The following AUTS2 variants were observed in gnomAD, a reference collection of about 807,000 sequenced individuals.
AUTS2 encodes autism susceptibility gene 2 protein.
AUTS2 carries 17 observed loss-of-function variants against 112.4 expected under a neutral mutation model. That is an observed-to-expected ratio of 0.15 (90% confidence interval 0.10 to 0.23). The LOEUF is 0.23. Ranked by LOEUF, AUTS2 falls within the 10% of genes least tolerant of loss-of-function variation. The probability of loss-of-function intolerance (pLI) is 1.00; values close to 1 mark genes in which losing one functional copy is unlikely to be tolerated. For synonymous variants in AUTS2, 751 were observed against 702.7 expected, an observed-to-expected ratio of 1.07 and a Z score of -1.09; for missense variants, 1,510 against 1,701.6, an observed-to-expected ratio of 0.89 and a Z score of 1.98.
chr7:70,393,754 C>A (rs12537762), intron 4 of AUTS2, among the ~76,000 whole-genome samples: 4 of 152,186 alleles, frequency 2.6e-5, no homozygotes, highest in African/African-American at 4.8e-5. Context: ...CCCACCACCC[C>A]CCTTTCAACC....
At chr7:70,196,788 T>G (rs1194534682) in intron 4 of AUTS2, among the ~76,000 whole-genome samples, 1 of 152,206 alleles carries the variant, frequency 6.6e-6, no homozygotes, top group Non-Finnish European at 1.5e-5. Context: ...GGACACTGGT[T>G]GAGGGTAGGC....
At chr7:70,492,773 G>A (rs1262120664) in intron 5 of AUTS2, among the ~76,000 whole-genome samples, 2 of 152,154 alleles carry the variant, frequency 1.3e-5, no homozygotes, top group Non-Finnish European at 2.9e-5. Context: ...CCTTGGCTTG[G>A]AGCAAGATGG....
chr7:70,764,885 C>A lies in AUTS2; in HGVS notation c.1348C>A (p.Pro450Thr). The change falls in exon 8 of 19, where the codon CCC becomes ACC. Residue 450 changes from proline to threonine, a missense_variant. Physicochemically the swap from Pro to Thr is conservative, Grantham distance 38 (BLOSUM62 -1). Around this residue, in one of 3 missense-constraint regions of AUTS2, gnomAD observed 535 missense variants for 594.3 expected, o/e 0.90. Coordinates refer to ENST00000342771, the MANE Select transcript of AUTS2 (RefSeq NM_015570.4). ...GCACAGCTTCACACCCACCCTCCAG[C>A]CCCCCGCACACTCACATCACCCCAA... Reference protein sequence around the residue: ...PLHSFTPTLQPPAHSHHPNMF... With the variant: ...PLHSFTPTLQTPAHSHHPNMF... The A allele has an allele frequency of 6.2e-7, 1 of 1,601,588 alleles. No homozygotes were observed. Among genetic ancestry groups the A allele is most frequent in the Non-Finnish European group, 8.5e-7 (1 of 1,174,376 alleles).
chr7:70,753,797 T>C (rs1418565708), intron 6 of AUTS2, among the ~76,000 whole-genome samples: 1 of 152,208 alleles, frequency 6.6e-6, no homozygotes. Context: ...GTATATACAA[T>C]GTGCAGTCTT....
chr7:70,193,259 GC>G lies in AUTS2; in HGVS notation c.660+58689del, dbSNP rs202180807. ...TGGTAGTGGCATTATCTAAACGTAT[GC>G]ATTTGTACCTTATCAGGCTTAATGA... On this transcript the variant is annotated intron_variant, in intron 4 of 18. Transcript: ENST00000342771. 1.8e-3 allele frequency among the ~76,000 whole-genome samples: 268 copies of G among 152,260 alleles called. 3 individuals carry two copies. The highest frequency in any genetic ancestry group is 0.017 in the Admixed American group (254 of 15,282).
chr7:69,777,110 A>G (rs1788931257), intron 1 of AUTS2, among the ~76,000 whole-genome samples: 1 of 152,196 alleles, frequency 6.6e-6, no homozygotes, highest in Admixed American at 6.5e-5. Context: ...TCTCAAGGGA[A>G]CTTTAGAAGT....
intron 4 of AUTS2, among the ~76,000 whole-genome samples, chr7:70,362,839 G>A (rs1478201514): frequency 6.6e-6 from 1 of 152,154 alleles, no homozygotes; most frequent in African/African-American, 2.4e-5. Context: ...GTTGTGCAAG[G>A]CATGAACACC....
chr7:70,315,708 A>G (rs905603447), intron 4 of AUTS2, among the ~76,000 whole-genome samples: 1 of 152,166 alleles, frequency 6.6e-6, no homozygotes, highest in Non-Finnish European at 1.5e-5. Context: ...ACAGATGTCC[A>G]TTTGACCTCC....
intron 5 of AUTS2, among the ~76,000 whole-genome samples, chr7:70,557,939 A>T (rs530620299): frequency 6.6e-6 from 1 of 152,338 alleles, no homozygotes; most frequent in South Asian, 2.1e-4. Flanking sequence ...AAGAACACTC[A>T]GAGTAAAGCT....
intron 4 of AUTS2, among the ~76,000 whole-genome samples, chr7:70,328,916 C>T (rs574767591): frequency 6.6e-4 from 100 of 152,216 alleles, no homozygotes; most frequent in South Asian, 2.5e-3. Context: ...AGAGTAAAAC[C>T]CCTTACCCAT....
chr7:69,801,743 C>T (rs1790093712), intron 1 of AUTS2, among the ~76,000 whole-genome samples: 1 of 151,962 alleles, frequency 6.6e-6, no homozygotes, highest in Admixed American at 6.6e-5. Context: ...GCTCAAGACA[C>T]AACAGTGAAC....
chr7:70,057,322 A>G (rs1468322826), intron 2 of AUTS2, among the ~76,000 whole-genome samples: 1 of 152,234 alleles, frequency 6.6e-6, no homozygotes, highest in Non-Finnish European at 1.5e-5. Context: ...AACTTTAAAC[A>G]TGGAGGAAGC....
intron 2 of AUTS2, among the ~76,000 whole-genome samples, chr7:69,930,257 C>T (rs1449638666): frequency 6.6e-6 from 1 of 152,136 alleles, no homozygotes; most frequent in Non-Finnish European, 1.5e-5. Flanking sequence ...GCTTTCGAGC[C>T]AGTCTGTACT....
chr7:70,434,574 TA>T (rs1256952758), intron 4 of AUTS2, among the ~76,000 whole-genome samples: 12 of 152,220 alleles, frequency 7.9e-5, no homozygotes, highest in Admixed American at 3.3e-4. Flanking sequence ...TCTGCCTTCC[TA>T]AACCATGGCA....
intron 1 of AUTS2, among the ~76,000 whole-genome samples, chr7:69,761,684 C>T (rs1788191251): frequency 1.3e-5 from 2 of 152,048 alleles, no homozygotes; most frequent in South Asian, 2.1e-4. Flanking sequence ...TCTTTAAGCC[C>T]CTAATTAACT....
intron 4 of AUTS2, among the ~76,000 whole-genome samples, chr7:70,272,881 T>C (rs1787759159): frequency 6.6e-6 from 1 of 152,124 alleles, no homozygotes; most frequent in African/African-American, 2.4e-5. Flanking sequence ...TCCCAGCTAC[T>C]TGGAAGGCTG....
chr7:69,656,254 C>T (rs1191920457), intron 1 of AUTS2, among the ~76,000 whole-genome samples: 3 of 152,156 alleles, frequency 2.0e-5, no homozygotes, highest in Non-Finnish European at 4.4e-5. Flanking sequence ...ACGCAGCTGA[C>T]CCCTAGATCT....
intron 4 of AUTS2, among the ~76,000 whole-genome samples, chr7:70,303,789 T>C (rs1349738977): frequency 6.6e-6 from 1 of 152,132 alleles, no homozygotes; most frequent in East Asian, 1.9e-4. Flanking sequence ...CACTCTTCTC[T>C]TCCTCACCCC....
At chr7:70,459,593 C>T (rs190323024) in intron 5 of AUTS2, among the ~76,000 whole-genome samples, 2 of 152,296 alleles carry the variant, frequency 1.3e-5, no homozygotes, top group Admixed American at 1.3e-4. Context: ...TTTTGGGAAA[C>T]CATCTCAGAG....
Sources: gnomAD v4.1 joint callset for allele counts (sites outside exome capture counted in the v4.1 genomes callset) on GRCh38, gnomAD v4.1.1 for gene constraint, gnomAD v4.1.1 regional missense constraint, MANE v1.5 for transcripts, NCBI Gene and HGNC (gene_info 2026-07-23, HGNC 2026-07-21) for gene names.